The following ARFGEF2 variants were observed in gnomAD, a reference collection of about 807,000 sequenced individuals.
The protein encoded by ARFGEF2 is ARF guanine nucleotide exchange factor 2.
ARFGEF2 carries 74 observed loss-of-function variants against 219.9 expected under a neutral mutation model. The observed-to-expected ratio is 0.34, with a 90% CI of 0.28 to 0.41. The LOEUF (loss-of-function observed/expected upper bound fraction) is 0.41. Among genes scored for constraint, ARFGEF2 ranks in the 10% least tolerant of loss-of-function variants. The pLI, the probability that ARFGEF2 is intolerant of heterozygous loss-of-function variation, is 1.00. For synonymous variants in ARFGEF2, 733 were observed against 799.2 expected (o/e 0.92, Z 1.40); for missense variants, 1,743 against 2,218.3 (o/e 0.79, Z 4.30).
At position 48,984,780 on chromosome 20, in the gene ARFGEF2, G is replaced by T. The variant is rs144227832; in HGVS notation, c.2010G>T (p.Met670Ile). Reference sequence around the variant, plus strand: ...TCCAGTTTCTCCAGGAGCAGGGCATGCTGGGAACGTCAGTTGAAGACATAG... The same window carrying T: ...TCCAGTTTCTCCAGGAGCAGGGCATTCTGGGAACGTCAGTTGAAGACATAG... The part of the protein sequence containing the change: ...RGIQFLQEQG[M>I]LGTSVEDIAQ... Residue 670 changes from methionine to isoleucine, a missense_variant, in exon 15 of 39, where the codon ATG becomes ATT. By Grantham distance (10) the Met-to-Ile change is conservative (BLOSUM62 1). Around this residue, in one of 5 missense-constraint regions of ARFGEF2, gnomAD observed 666 missense variants for 955.4 expected, o/e 0.70. Coordinates refer to ENST00000371917, the MANE Select transcript of ARFGEF2 (RefSeq NM_006420.3). 1.9e-6 allele frequency: 3 copies of T among 1,613,582 alleles called. No individual in the cohort carries two copies. The highest frequency in any genetic ancestry group is 2.7e-5 in the African/African-American group (2 of 74,900).
At chr20:49,016,138 T>C (rs138690015) in intron 30 of ARFGEF2, 142 bp from the exon 31 acceptor site, 16 of 838,460 alleles carry the variant, frequency 1.9e-5, no homozygotes, top group African/African-American at 1.8e-4. Flanking sequence ...TCTGTACATA[T>C]GAATGTATTA....
intron 30 of ARFGEF2, 43 bp from the exon 31 acceptor site, chr20:49,016,237 G>A (rs755726451): frequency 1.2e-6 from 2 of 1,608,492 alleles, no homozygotes; most frequent in Admixed American, 1.7e-5. Flanking sequence ...CCATCTCACT[G>A]CAGGGAGAAT....
chr20:48,942,635 C>T (rs1369152108), intron 3 of ARFGEF2, among the ~76,000 whole-genome samples: 1 of 151,992 alleles, frequency 6.6e-6, no homozygotes, highest in Admixed American at 6.6e-5. Context: ...CATGCACCCG[C>T]CACCAAGCCC....
intron 34 of ARFGEF2, among the ~76,000 whole-genome samples, chr20:49,022,244 A>G (rs1406265704): frequency 6.6e-6 from 1 of 152,018 alleles, no homozygotes; most frequent in Non-Finnish European, 1.5e-5. Flanking sequence ...ATACAGAAGT[A>G]GAAAATGCAG....
At chr20:49,018,433 G>A (rs1258267873) in intron 33 of ARFGEF2, among the ~76,000 whole-genome samples, 1 of 151,836 alleles carries the variant, frequency 6.6e-6, no homozygotes, top group Non-Finnish European at 1.5e-5. Flanking sequence ...ATGGGGTTTC[G>A]CCATGTTGAC....
At chr20:48,992,641 TAAG>T (rs2091363470) in intron 21 of ARFGEF2, among the ~76,000 whole-genome samples, 2 of 152,224 alleles carry the variant, frequency 1.3e-5, no homozygotes, top group African/African-American at 4.8e-5. Flanking sequence ...TGGCAAGTAA[TAAG>T]AACTCAATAG....
intron 1 of ARFGEF2, among the ~76,000 whole-genome samples, chr20:48,928,497 C>CGGT (rs2090892757): frequency 2.2e-5 from 3 of 136,864 alleles, no homozygotes; most frequent in East Asian, 4.5e-4. Context: ...CGCGCCCGGC[C>CGGT]GCAATCTTTT....
intron 6 of ARFGEF2, among the ~76,000 whole-genome samples, chr20:48,962,457 A>G (rs1041189381): frequency 6.6e-6 from 1 of 152,154 alleles, no homozygotes; most frequent in Admixed American, 6.5e-5. Context: ...AAACGTTGTT[A>G]TGTGGTGCAT....
intron 8 of ARFGEF2, among the ~76,000 whole-genome samples, chr20:48,967,160 T>A (rs183950046): frequency 3.3e-5 from 5 of 152,334 alleles, no homozygotes; most frequent in African/African-American, 1.2e-4. Context: ...TAATGTTTTT[T>A]TCCCCCCTTG....
intron 25 of ARFGEF2, among the ~76,000 whole-genome samples, chr20:49,000,255 A>G (rs1405279981): frequency 6.6e-6 from 1 of 152,186 alleles, no homozygotes; most frequent in Non-Finnish European, 1.5e-5. Context: ...AAATTAAGGC[A>G]CCTCACAGCA....
chr20:48,925,588 C>T (rs1172050325), intron 1 of ARFGEF2, among the ~76,000 whole-genome samples: 3 of 152,212 alleles, frequency 2.0e-5, no homozygotes, highest in East Asian at 1.9e-4. Flanking sequence ...GTAATTCCAG[C>T]GCTTTAGGAG....
Position 49,035,049 on chromosome 20 carries a change from A to G in ARFGEF2, c.*1850A>G, listed in dbSNP as rs2091658599. On this transcript the variant is annotated 3_prime_UTR_variant, in exon 39 of 39. Coordinates refer to ENST00000371917, the MANE Select transcript of ARFGEF2 (RefSeq NM_006420.3). ...CACTGCACCTTTACACTGCACCATGAAACCTACACTCCCTGGTATCATAGC... is the reference window on the plus strand; with the variant it reads ...CACTGCACCTTTACACTGCACCATGGAACCTACACTCCCTGGTATCATAGC... The G allele has an allele frequency of 6.6e-6, 1 of 152,232 alleles. No individual in the cohort carries two copies. The highest frequency in any genetic ancestry group is 2.4e-5 in the African/African-American group (1 of 41,450). 9.4% of individuals were successfully genotyped at this position (152,232 alleles called of 1,614,324 possible). A position where few individuals can be genotyped will look rare whatever the true frequency, so the allele number is the denominator to read the frequency against.
chr20:48,936,261 C>G (rs866292592), intron 1 of ARFGEF2, among the ~76,000 whole-genome samples: 10 of 148,568 alleles, frequency 6.7e-5, no homozygotes, highest in African/African-American at 9.9e-5. Flanking sequence ...CTGACCCCCC[C>G]ACCCCTGCCG....
intron 38 of ARFGEF2, among the ~76,000 whole-genome samples, chr20:49,032,728 ACCACAGACACGCG>A (rs925705509): frequency 1.3e-5 from 2 of 151,638 alleles, no homozygotes; most frequent in African/African-American, 4.8e-5. Flanking sequence ...AGTAGCTGGG[ACCACAGACACGCG>A]CCACTATGCC....
intron 10 of ARFGEF2, among the ~76,000 whole-genome samples, chr20:48,971,870 C>T (rs527530819): frequency 1.1e-4 from 16 of 152,198 alleles, no homozygotes; most frequent in Admixed American, 6.5e-4. Context: ...CACTGCACTC[C>T]AGCCTGGGCA....
intron 13 of ARFGEF2, among the ~76,000 whole-genome samples, chr20:48,975,755 C>G (rs543798476): frequency 7.0e-5 from 10 of 142,570 alleles, no homozygotes; most frequent in African/African-American, 2.4e-4. Flanking sequence ...GAGCCGAGAT[C>G]GTGCCACTGC....
At chr20:48,928,439 C>G (rs1261175975) in intron 1 of ARFGEF2, among the ~76,000 whole-genome samples, 3 of 144,820 alleles carry the variant, frequency 2.1e-5, no homozygotes, top group African/African-American at 7.7e-5. Flanking sequence ...ACCTCGTGAT[C>G]CGCCCGCCTC....
In ARFGEF2 at chr20:48,928,461, G is replaced by C. The variant is rs557188257; in HGVS notation, c.121+6451G>C. Among the ~76,000 whole-genome samples, 35 of 145,330 alleles carry C rather than the reference G, an allele frequency of 2.4e-4. 2 individuals carry two copies. The highest frequency in any genetic ancestry group is 9.0e-4 in the African/African-American group (35 of 39,080). ...GATCCGCCCGCCTCGGCCTCCCAAA[G>C]TGCTGGGATTACAGGCGTGAGCCAC... On this transcript the variant is annotated intron_variant, in intron 1 of 38. Coordinates refer to ENST00000371917, the MANE Select transcript of ARFGEF2 (RefSeq NM_006420.3).
chr20:48,928,685 G>C (rs571585918), intron 1 of ARFGEF2, among the ~76,000 whole-genome samples: 1 of 150,256 alleles, frequency 6.7e-6, no homozygotes, highest in East Asian at 2.0e-4. Context: ...TAGTAGAGAC[G>C]GGGTTTCACC....
Sources: allele counts gnomAD v4.1 joint callset (sites outside exome capture counted in the v4.1 genomes callset), GRCh38; gene constraint gnomAD v4.1.1; regional missense constraint gnomAD v4.1.1; transcripts MANE v1.5; gene names NCBI Gene and HGNC (gene_info 2026-07-23, HGNC 2026-07-21).